CCPG1: variants seen among roughly 807,000 people sequenced by gnomAD.
CCPG1 encodes cell cycle progression 1.
In CCPG1, 46 loss-of-function variants were observed where a neutral mutation model predicts 81.3. The ratio of observed to expected loss-of-function variants is 0.57; its 90% confidence interval spans 0.45 to 0.72. The LOEUF (loss-of-function observed/expected upper bound fraction) is 0.72, where lower values mean the gene tolerates loss of function less well. CCPG1 is among the 30% of genes least tolerant of loss of function. CCPG1 has a pLI of 0.00. For synonymous variants in CCPG1, 330 were observed against 305.2 expected (o/e 1.08, Z -0.85); for missense variants, 902 against 937.6 (o/e 0.96, Z 0.50).
At chr15:55,401,608 G>C (rs1312045188) in intron 1 of CCPG1, among the ~76,000 whole-genome samples, 1 of 150,590 alleles carries the variant, frequency 6.6e-6, no homozygotes, top group Admixed American at 6.6e-5. Context: ...GGAGGTTGCA[G>C]TGAGCCGAGA....
At chr15:55,362,859 G>A (rs55706848) in intron 7 of CCPG1, among the ~76,000 whole-genome samples, 27,339 of 151,830 alleles carry the variant, frequency 0.18, 4,258 homozygotes, top group African/African-American at 0.43. Flanking sequence ...GGGCAACATA[G>A]TGAGACCCCA....
At chr15:55,391,184 G>A (rs1157109826) in intron 1 of CCPG1, among the ~76,000 whole-genome samples, 1 of 152,144 alleles carries the variant, frequency 6.6e-6, no homozygotes, top group Non-Finnish European at 1.5e-5. Flanking sequence ...GTGCAATGGC[G>A]TAATCATGGC....
intron 1 of CCPG1, among the ~76,000 whole-genome samples, chr15:55,404,442 C>T (rs1450699820): frequency 6.6e-6 from 1 of 152,136 alleles, no homozygotes; most frequent in Non-Finnish European, 1.5e-5. Flanking sequence ...TACTACTTAC[C>T]AGTCCATATC....
At chr15:55,401,567 T>C (rs2057129579) in intron 1 of CCPG1, among the ~76,000 whole-genome samples, 1 of 151,558 alleles carries the variant, frequency 6.6e-6, no homozygotes, top group African/African-American at 2.4e-5. Context: ...TTCGGGAGGC[T>C]GAGGCAGGAG....
Position 55,364,429 on chromosome 15 carries a change from T to A in CCPG1, c.828+759A>T, listed in dbSNP as rs183394604. 2.1e-3 allele frequency among the ~76,000 whole-genome samples: 317 copies of A among 150,756 alleles called. 10 individuals are homozygous for A. Among genetic ancestry groups the A allele is most frequent in the Non-Finnish European group, 3.3e-3 (225 of 67,586 alleles). Reference sequence around the variant, plus strand: ...AACTGAAAATGTTTGCTTCGCTCTGTGAAAATAATGTTAATAAAAATGTCT... The same window carrying A: ...AACTGAAAATGTTTGCTTCGCTCTGAGAAAATAATGTTAATAAAAATGTCT... On this transcript the variant is annotated intron_variant, in intron 7 of 8. Transcript: ENST00000442196.
chr15:55,387,828 G>GA (rs1030903126), intron 2 of CCPG1, among the ~76,000 whole-genome samples: 6 of 232 alleles, frequency 0.026, no homozygotes, highest in Admixed American at 0.083. Context: ...TTACAGGCGT[G>GA]AGCACCACGC....
intron 2 of CCPG1, among the ~76,000 whole-genome samples, chr15:55,388,066 G>A (rs1351240492): frequency 2.0e-5 from 3 of 151,824 alleles, no homozygotes; most frequent in Non-Finnish European, 4.4e-5. Flanking sequence ...CAGGAGAATG[G>A]CTTGAACCCA....
intron 8 of CCPG1, chr15:55,359,113 T>C: frequency 1.0e-6 from 1 of 983,636 alleles, no homozygotes; most frequent in Non-Finnish European, 1.2e-6. Flanking sequence ...ATTAGAATTA[T>C]TATATATGAG....
chr15:55,370,843 T>C (rs1377259744), intron 6 of CCPG1, among the ~76,000 whole-genome samples: 1 of 136,554 alleles, frequency 7.3e-6, no homozygotes, highest in African/African-American at 2.9e-5. Flanking sequence ...ACCACTGGAC[T>C]CCAGCCTGGG....
intron 2 of CCPG1, among the ~76,000 whole-genome samples, chr15:55,387,281 A>G (rs913843739): frequency 1.3e-5 from 2 of 152,236 alleles, no homozygotes; most frequent in Non-Finnish European, 2.9e-5. Context: ...TAAGACTCCC[A>G]TAGCTGCCTT....
In CCPG1 at chr15:55,360,667, A is replaced by G. The variant is rs907375827; in HGVS notation, c.1106T>C (p.Leu369Pro). ...TGTCAACAGAGTCTCCCTTTGACTAAGAAAGCTGTGTTTTTTCTGCTTTTC... is the reference window on the plus strand; with the variant it reads ...TGTCAACAGAGTCTCCCTTTGACTAGGAAAGCTGTGTTTTTTCTGCTTTTC... ...EEEKQKKHSF[L>P]SQRETLLTEA... Residue 369 changes from leucine to proline, a missense_variant, in exon 8 of 9, where the codon CTT (leucine) becomes CCT (proline). Physicochemically the swap from Leu to Pro is moderately conservative, Grantham distance 98. Transcript: ENST00000442196. 1 of 1,614,034 alleles carries G rather than the reference A, an allele frequency of 6.2e-7. No individual in the cohort carries two copies.
intron 7 of CCPG1, among the ~76,000 whole-genome samples, chr15:55,364,541 A>G (rs187351967): frequency 6.6e-6 from 1 of 150,924 alleles, no homozygotes; most frequent in African/African-American, 2.4e-5. Flanking sequence ...AATCCTTAGA[A>G]TCAATTAATT....
intron 8 of CCPG1, 138 bp downstream of exon 8, chr15:55,359,401 T>A: frequency 2.1e-6 from 3 of 1,430,006 alleles, no homozygotes; most frequent in Non-Finnish European, 1.8e-6. Context: ...TTTCAATTTA[T>A]TCTGAATTCT....
intron 7 of CCPG1, among the ~76,000 whole-genome samples, chr15:55,361,233 T>C (rs2056187777): frequency 6.6e-6 from 1 of 151,126 alleles, no homozygotes; most frequent in Admixed American, 6.6e-5. Flanking sequence ...AGTGGCGCAA[T>C]CTCGGCTCAC....
intron 1 of CCPG1, among the ~76,000 whole-genome samples, chr15:55,392,200 A>C (rs2056932981): frequency 6.9e-6 from 1 of 144,676 alleles, no homozygotes; most frequent in African/African-American, 2.6e-5. Flanking sequence ...AGTTTAAAAG[A>C]TCAGATTTGA....
chr15:55,394,939 A>G (rs961186529), intron 1 of CCPG1, among the ~76,000 whole-genome samples: 1 of 152,100 alleles, frequency 6.6e-6, no homozygotes, highest in Non-Finnish European at 1.5e-5. Flanking sequence ...CTGTTTGCCC[A>G]CACATGGTTA....
intron 2 of CCPG1, among the ~76,000 whole-genome samples, chr15:55,387,263 C>G (rs1351184075): frequency 6.6e-6 from 1 of 152,230 alleles, no homozygotes; most frequent in Non-Finnish European, 1.5e-5. Context: ...ACCCTGCAGA[C>G]TAACAGGTAA....
At chr15:55,400,335 C>T (rs1034797400) in intron 1 of CCPG1, among the ~76,000 whole-genome samples, 9 of 151,248 alleles carry the variant, frequency 6.0e-5, no homozygotes, top group African/African-American at 1.9e-4. Flanking sequence ...ATGGTGAAAC[C>T]CCACCTGTAC....
intron 1 of CCPG1, among the ~76,000 whole-genome samples, chr15:55,407,089 G>T (rs796705761): frequency 6.7e-6 from 1 of 148,562 alleles, no homozygotes; most frequent in Non-Finnish European, 1.5e-5. Context: ...TTAGCTGGGC[G>T]TGGTGGCGGG....
Sources: gnomAD v4.1 joint callset for allele counts (sites outside exome capture counted in the v4.1 genomes callset) on GRCh38, gnomAD v4.1.1 for gene constraint, MANE v1.5 for transcripts, NCBI Gene and HGNC (gene_info 2026-07-23, HGNC 2026-07-21) for gene names.